The following STK25 variants were observed in gnomAD, a reference collection of about 807,000 sequenced individuals.
The protein encoded by STK25 is serine/threonine-protein kinase 25.
In STK25, 29 loss-of-function variants were observed where a neutral mutation model predicts 53.8. The observed-to-expected ratio is 0.54, with a 90% CI of 0.40 to 0.74. STK25 has a LOEUF of 0.74. Among genes scored for constraint, STK25 ranks in the 30% least tolerant of loss-of-function variants. The probability of loss-of-function intolerance (pLI) is 0.00; values close to 1 mark genes in which losing one functional copy is unlikely to be tolerated. For synonymous variants in STK25, 247 were observed against 238.3 expected, an observed-to-expected ratio of 1.04 and a Z score of -0.33; for missense variants, 420 against 568.0, an observed-to-expected ratio of 0.74 and a Z score of 2.65.
At chr2:241,507,575 T>G (rs2065913652) in intron 2 of STK25, among the ~76,000 whole-genome samples, 1 of 152,168 alleles carries the variant, frequency 6.6e-6, no homozygotes, top group South Asian at 2.1e-4. Context: ...CGCCAGGGTC[T>G]CCCCTACAGC....
rs1293161402 is a variant in STK25, at chr2:241,508,427, C to T, written c.-101+16G>A. The T allele has an allele frequency of 2.8e-6, 3 of 1,084,880 alleles. No homozygotes were observed. The highest frequency in any genetic ancestry group is 3.4e-6 in the Non-Finnish European group (3 of 890,574). The allele number at this position is 1,084,880 out of a possible 1,614,324, so 67.2% of individuals were successfully genotyped here. A position where few individuals can be genotyped will look rare whatever the true frequency, so the allele number is the denominator to read the frequency against. Reference sequence around the variant, plus strand: ...TCCCCAATCGCCGCAAGCGCCCCGCCCGGCAGCGCGCCCACCTCCGCGGGG... The same window carrying T: ...TCCCCAATCGCCGCAAGCGCCCCGCTCGGCAGCGCGCCCACCTCCGCGGGG... On this transcript the variant is annotated intron_variant, in intron 1 of 11. Transcript: ENST00000316586.
chr2:241,496,029 C>T lies in STK25; in HGVS notation c.1242-328G>A, dbSNP rs1048237180. 6.6e-5 allele frequency among the ~76,000 whole-genome samples: 10 copies of T among 152,178 alleles called. No individual in the cohort carries two copies. Among genetic ancestry groups the T allele is most frequent in the Non-Finnish European group, 1.0e-4 (7 of 68,026 alleles). On this transcript the variant is annotated intron_variant, in intron 11 of 11. Coordinates refer to ENST00000316586, the MANE Select transcript of STK25 (RefSeq NM_001271977.2). The surrounding 1 kb of genome is among the most constrained non-coding windows in gnomAD (Gnocchi z 5.8). ...CTGCCCTGTCTCTTTGCTAAGGACT[C>T]GAGTCAGCACAGGGGCAGCTCTGAC... is the stretch of plus-strand genomic sequence containing the variant.
At position 241,499,365 on chromosome 2, in the gene STK25, A is replaced by G. The variant is rs2065368455; in HGVS notation, c.477T>C (p.Phe159=). The change falls in exon 6 of 12, where the codon TTT becomes TTC. Residue 159 remains phenylalanine, a synonymous_variant. Transcript: ENST00000316586. ...TGTCTGTGAGCTGCCCTGCTACCCC[A>G]AAGTCCGCCAGCTTCACGTCACCCT... The part of the protein sequence containing the change: ...SEQGDVKLAD[F]GVAGQLTDTQ... 2 of 1,613,848 alleles carry G rather than the reference A, an allele frequency of 1.2e-6. No individual in the cohort carries two copies. Among genetic ancestry groups the G allele is most frequent in the Non-Finnish European group, 1.7e-6 (2 of 1,179,918 alleles).
At position 241,508,024 on chromosome 2, in the gene STK25, G is replaced by T; in HGVS notation, c.12C>A (p.Leu4=). The T allele has an allele frequency of 6.2e-7, 1 of 1,605,230 alleles. No homozygotes were observed. The highest frequency in any genetic ancestry group is 2.3e-5 in the East Asian group (1 of 44,290). MAH[L]RGFANQHSRV... is the part of the protein sequence containing the mutation. Reference sequence around the variant, plus strand: ...TTCTCACCTGGTTGGCAAATCCCCGGAGGTGAGCCATGGCCGCGCCGCCTC... The same window carrying T: ...TTCTCACCTGGTTGGCAAATCCCCGTAGGTGAGCCATGGCCGCGCCGCCTC... The change falls in exon 2 of 12, where the codon CTC becomes CTA. Residue 4 remains leucine, a synonymous_variant. Coordinates refer to ENST00000316586, the MANE Select transcript of STK25 (RefSeq NM_001271977.2).
intron 7 of STK25, 31 bp from the exon 8 acceptor site, chr2:241,498,815 G>A: frequency 6.2e-7 from 1 of 1,612,940 alleles, no homozygotes; most frequent in Non-Finnish European, 8.5e-7. Context: ...ACTAGTCACT[G>A]GGCCCAGCCA....
rs1414112644 is a variant in STK25, at chr2:241,495,237, G to A, written c.*425C>T. 3 of 175,806 alleles carry A rather than the reference G, an allele frequency of 1.7e-5. No homozygotes were observed. Among genetic ancestry groups the A allele is most frequent in the Admixed American group, 1.2e-4 (2 of 16,814 alleles). 10.9% of individuals were successfully genotyped at this position (175,806 alleles called of 1,614,324 possible). On this transcript the variant is annotated 3_prime_UTR_variant, in exon 12 of 12. Coordinates refer to ENST00000316586, the MANE Select transcript of STK25 (RefSeq NM_001271977.2). ...ATGGGCCCCGGGAGGACAGCGGCCA[G>A]GACACTCCTCTGGGGGCTGCCCTGT...
chr2:241,498,451 C>A (rs1574942068), intron 8 of STK25, 102 bp from the exon 9 acceptor site: 1 of 1,294,490 alleles, frequency 7.7e-7, no homozygotes, highest in East Asian at 2.4e-5. Flanking sequence ...AGGTACCAGA[C>A]GGGGCTCTGC....
intron 2 of STK25, among the ~76,000 whole-genome samples, chr2:241,506,459 T>G (rs890515715): frequency 6.6e-6 from 1 of 152,158 alleles, no homozygotes; most frequent in Non-Finnish European, 1.5e-5. Flanking sequence ...AAGGAGTTAT[T>G]TCTGCAGTTC....
chr2:241,503,344 C>T (rs1443659258), intron 2 of STK25, among the ~76,000 whole-genome samples: 4 of 151,814 alleles, frequency 2.6e-5, no homozygotes, highest in South Asian at 2.1e-4. Flanking sequence ...GGATTACAGG[C>T]GTGAGCCACC....
intron 5 of STK25, 111 bp downstream of exon 5, chr2:241,500,062 T>C (rs879803732): frequency 1.1e-6 from 1 of 879,306 alleles, no homozygotes; most frequent in Non-Finnish European, 1.9e-6. Context: ...CAAGGTTCTC[T>C]ATACTCCAGA....
chr2:241,508,823 C>T, upstream of STK25: 1 of 898,794 alleles, frequency 1.1e-6, no homozygotes, highest in Non-Finnish European at 1.3e-6. Flanking sequence ...CCTGGGCGGG[C>T]GGGGCACGTG....
rs2065097990 is a variant in STK25, at chr2:241,495,545, C to T, written c.*117G>A. On this transcript the variant is annotated 3_prime_UTR_variant, in exon 12 of 12. Coordinates refer to ENST00000316586, the MANE Select transcript of STK25 (RefSeq NM_001271977.2). ...CCTGGCATGTGAGGCCCACGGGATC[C>T]GACGTGTCCCTGCAGGCACGACATA... 1.1e-5 allele frequency: 12 copies of T among 1,138,972 alleles called. No individual in the cohort carries two copies. The highest frequency in any genetic ancestry group is 1.3e-5 in the Non-Finnish European group (10 of 761,006). 70.6% of individuals were successfully genotyped at this position (1,138,972 alleles called of 1,614,324 possible).
chr2:241,494,026 G>T lies in STK25; in HGVS notation c.*1636C>A. On this transcript the variant is annotated 3_prime_UTR_variant, in exon 12 of 12. Coordinates refer to ENST00000316586, the MANE Select transcript of STK25 (RefSeq NM_001271977.2). The surrounding 1 kb of genome is among the most constrained non-coding windows in gnomAD (Gnocchi z 4.9). ...CCTCCAGGTGGATGGAGGTGATCCA[G>T]GGGGCCAGCAGCTCAGCCGGGAGGG... The T allele has an allele frequency of 7.2e-7, 1 of 1,396,006 alleles. No individual in the cohort carries two copies. The highest frequency in any genetic ancestry group is 9.3e-7 in the Non-Finnish European group (1 of 1,072,382). The allele number at this position is 1,396,006 out of a possible 1,614,324, so 86.5% of individuals were successfully genotyped here. A position where few individuals can be genotyped will look rare whatever the true frequency, so the allele number is the denominator to read the frequency against.
intron 11 of STK25, 91 bp from the exon 12 acceptor site, chr2:241,495,792 C>G (rs2065115361): frequency 7.2e-7 from 1 of 1,391,020 alleles, no homozygotes. Flanking sequence ...GGTGGCAGCC[C>G]TGACAAGCCA....
intron 2 of STK25, among the ~76,000 whole-genome samples, chr2:241,506,993 C>G (rs1209179308): frequency 1.3e-5 from 2 of 152,176 alleles, no homozygotes; most frequent in African/African-American, 2.4e-5. Flanking sequence ...CCGGTTTCCT[C>G]CAAAGCAGCC....
chr2:241,508,461 C>T lies in STK25; in HGVS notation c.-119G>A. 1 of 1,069,792 alleles carries T rather than the reference C, an allele frequency of 9.3e-7. No homozygotes were observed. The highest frequency in any genetic ancestry group is 1.1e-6 in the Non-Finnish European group (1 of 880,442). The allele number at this position is 1,069,792 out of a possible 1,614,324, so 66.3% of individuals were successfully genotyped here. A position where few individuals can be genotyped will look rare whatever the true frequency, so the allele number is the denominator to read the frequency against. On this transcript the variant is annotated 5_prime_UTR_variant, in exon 1 of 12. Transcript: ENST00000316586. ...CGCCCACCTCCGCGGGGCTCCATCC[C>T]GGCCTCCCCCGGCCCGCTCTGCAGC...
chr2:241,493,162 T>C lies in STK25; in HGVS notation c.*2500A>G. On this transcript the variant is annotated 3_prime_UTR_variant, in exon 12 of 12. Transcript: ENST00000316586. ...TGCTTTGCCCACACACCCTGTGCTG[T>C]GTGAACAGGGAAACTGGCTCCCTTG... 1.7e-6 allele frequency: 2 copies of C among 1,196,884 alleles called. No individual in the cohort carries two copies. Among genetic ancestry groups the C allele is most frequent in the South Asian group, 1.3e-5 (1 of 76,064 alleles). 74.1% of individuals were successfully genotyped at this position (1,196,884 alleles called of 1,614,324 possible).
At chr2:241,507,378 G>A (rs1333949347) in intron 2 of STK25, among the ~76,000 whole-genome samples, 14 of 152,180 alleles carry the variant, frequency 9.2e-5, no homozygotes, top group Admixed American at 9.2e-4. Flanking sequence ...GCTCCATAGT[G>A]GAAACGACTT....
In STK25 at chr2:241,499,154, C is replaced by T; in HGVS notation, c.606G>A (p.Gly202=). ...YDFKADIWSL[G]ITAIELAKGE... is the part of the protein sequence containing the mutation. ...CCTTGGCCAGCTCGATGGCTGTGAT[C>T]CCCAGGGACCAGATGTCAGCCTGGA... Residue 202 remains glycine, a synonymous_variant, in exon 7 of 12, where the codon GGG becomes GGA. Coordinates refer to ENST00000316586, the MANE Select transcript of STK25 (RefSeq NM_001271977.2). 6.2e-7 allele frequency: 1 copy of T among 1,613,654 alleles called. No homozygotes were observed. The highest frequency in any genetic ancestry group is 8.5e-7 in the Non-Finnish European group (1 of 1,179,712).
Sources: allele counts gnomAD v4.1 joint callset (sites outside exome capture counted in the v4.1 genomes callset), GRCh38; gene constraint gnomAD v4.1.1; non-coding constraint Gnocchi (gnomAD v3.1); transcripts MANE v1.5; gene names NCBI Gene and HGNC (gene_info 2026-07-23, HGNC 2026-07-21).